Variants in TSNARE1 observed in about 807,000 individuals in gnomAD.
TSNARE1 encodes the protein t-SNARE domain containing 1, also known as t-SNARE domain-containing protein 1.
A neutral mutation model predicts 62.0 loss-of-function variants in TSNARE1; 49 were observed. The observed-to-expected ratio is 0.79, with a 90% CI of 0.63 to 1.00. The LOEUF (loss-of-function observed/expected upper bound fraction) is 1.00. TSNARE1 is among the 50% of genes least tolerant of loss of function. The pLI, the probability that TSNARE1 is intolerant of heterozygous loss-of-function variation, is 0.00. For synonymous variants in TSNARE1, 328 were observed against 294.4 expected (o/e 1.11, Z -1.17); for missense variants, 755 against 700.1 (o/e 1.08, Z -0.88).
At chr8:142,360,054 G>A (rs376610165) in intron 1 of TSNARE1, among the ~76,000 whole-genome samples, 5 of 152,356 alleles carry the variant, frequency 3.3e-5, no homozygotes, top group East Asian at 1.9e-4. Flanking sequence ...GCACTGTGGG[G>A]TGCGGCCTTG....
chr8:142,355,597 C>G (rs540867795), intron 1 of TSNARE1, among the ~76,000 whole-genome samples: 1 of 152,310 alleles, frequency 6.6e-6, no homozygotes, highest in East Asian at 1.9e-4. Context: ...CCAGACACTG[C>G]CAGAGCGTCC....
At chr8:142,280,745 G>A (rs1821289591) in intron 11 of TSNARE1, among the ~76,000 whole-genome samples, 2 of 152,208 alleles carry the variant, frequency 1.3e-5, no homozygotes, top group African/African-American at 4.8e-5. Flanking sequence ...GCGACAGGTG[G>A]CCAGGGGCAG....
intron 12 of TSNARE1, among the ~76,000 whole-genome samples, chr8:142,254,072 G>A (rs1481727029): frequency 1.3e-5 from 2 of 152,288 alleles, no homozygotes; most frequent in Non-Finnish European, 2.9e-5. Flanking sequence ...AAAATGCTCT[G>A]TGCCTCCCTT....
rs1828179429 is a variant in TSNARE1 at position 142,314,379 on chromosome 8, C to A, written c.1131+5G>T. ...CACTGACCATGGTCAGTACTCGGCA[C>A]CCACCTGTTTACTGCCCCTCTGCGC... On this transcript the variant is annotated splice_donor_5th_base_variant and intron_variant, in intron 9 of 13. Coordinates refer to ENST00000524325, the MANE Select transcript of TSNARE1 (RefSeq NM_145003.5). 1 of 1,613,270 alleles carries A rather than the reference C, an allele frequency of 6.2e-7. No individual in the cohort carries two copies. Among genetic ancestry groups the A allele is most frequent in the African/African-American group, 1.3e-5 (1 of 74,922 alleles).
chr8:142,242,947 CAAAAAAAAAAAAA>C (rs35092120), intron 12 of TSNARE1, among the ~76,000 whole-genome samples: 2 of 51,390 alleles, frequency 3.9e-5, no homozygotes, highest in Non-Finnish European at 7.0e-5. Flanking sequence ...AACTCTGTCT[CAAAAAAAAAAAAA>C]AAAAAAAAAA....
At chr8:142,256,788 G>T (rs1021389367) in intron 12 of TSNARE1, among the ~76,000 whole-genome samples, 12 of 152,176 alleles carry the variant, frequency 7.9e-5, no homozygotes, top group African/African-American at 2.9e-4. Flanking sequence ...ATTAGAACCG[G>T]GTTCTGCCTG....
At chr8:142,333,873 G>GC (rs1383088447) in intron 4 of TSNARE1, among the ~76,000 whole-genome samples, 7 of 152,214 alleles carry the variant, frequency 4.6e-5, no homozygotes, top group African/African-American at 7.2e-5. Flanking sequence ...CTGAGGGACG[G>GC]CCCCCCATCA....
chr8:142,220,580 A>G (rs1413629061), intron 13 of TSNARE1, among the ~76,000 whole-genome samples: 5 of 152,178 alleles, frequency 3.3e-5, no homozygotes, highest in Admixed American at 3.3e-4. Flanking sequence ...CCGACCTGGA[A>G]CCAGGGAACC....
intron 1 of TSNARE1, among the ~76,000 whole-genome samples, chr8:142,381,572 C>A (rs539554726): frequency 3.0e-4 from 45 of 152,270 alleles, no homozygotes; most frequent in African/African-American, 1.0e-3. Context: ...TTCTGGGAGA[C>A]CCCAGAAGCA....
At chr8:142,365,800 TG>T in intron 1 of TSNARE1, 1 of 316,800 alleles carries the variant, frequency 3.2e-6, no homozygotes, top group East Asian at 1.1e-4. Context: ...AAAAACTCAC[TG>T]GAAATTATTT....
At chr8:142,234,563 G>A (rs1318820257) in intron 12 of TSNARE1, among the ~76,000 whole-genome samples, 1 of 152,236 alleles carries the variant, frequency 6.6e-6, no homozygotes, top group Non-Finnish European at 1.5e-5. Context: ...CACAAGTTCA[G>A]GGAAGGCTCC....
At chr8:142,264,116 A>G (rs12544947) in intron 12 of TSNARE1, among the ~76,000 whole-genome samples, 1 of 152,028 alleles carries the variant, frequency 6.6e-6, no homozygotes, top group Non-Finnish European at 1.5e-5. Context: ...AGTATTTTCA[A>G]TAGTATCCAA....
intron 6 of TSNARE1, among the ~76,000 whole-genome samples, chr8:142,325,728 C>T (rs967193398): frequency 1.6e-4 from 25 of 152,098 alleles, no homozygotes; most frequent in Non-Finnish European, 2.4e-4. Context: ...TTCCGAGCTG[C>T]GGGATATGCA....
chr8:142,313,451 ATCTGCATGTG>A (rs1827969495), intron 9 of TSNARE1, among the ~76,000 whole-genome samples: 1 of 148,650 alleles, frequency 6.7e-6, no homozygotes, highest in Non-Finnish European at 1.5e-5. Context: ...ATGTCTGTTT[ATCTGCATGTG>A]TCTGCATGTC....
intron 12 of TSNARE1, chr8:142,269,765 C>A (rs1819359522): frequency 1.0e-6 from 1 of 985,402 alleles, no homozygotes; most frequent in South Asian, 4.7e-5. Context: ...AGAGTGGAGG[C>A]CCCGCCCAGA....
intron 7 of TSNARE1, among the ~76,000 whole-genome samples, chr8:142,316,285 G>A (rs1586755904): frequency 6.6e-6 from 1 of 151,750 alleles, no homozygotes; most frequent in East Asian, 2.0e-4. Context: ...GCAGCACCTG[G>A]TCCCCACAGA....
At position 142,323,384 on chromosome 8, in the gene TSNARE1, C is replaced by T. The variant is rs141991247; in HGVS notation, c.894-4750G>A. On this transcript the variant is annotated intron_variant, in intron 6 of 13. Transcript: ENST00000524325. ...GGGGCAGGCGAGGCGAGGAACAGCTCGTGGCCACCTCCTGGGTCTCCAGAG... is the reference window on the plus strand; with the variant it reads ...GGGGCAGGCGAGGCGAGGAACAGCTTGTGGCCACCTCCTGGGTCTCCAGAG... Among the ~76,000 whole-genome samples the T allele has an allele frequency of 2.9e-3, 447 of 152,330 alleles. 1 individual carries two copies. Among genetic ancestry groups the T allele is most frequent in the African/African-American group, 0.01 (426 of 41,578 alleles).
At chr8:142,354,815 A>G in intron 1 of TSNARE1, 52 bp from the exon 2 acceptor site, 19 of 1,124,194 alleles carry the variant, frequency 1.7e-5, no homozygotes, top group Non-Finnish European at 2.4e-5. Context: ...TGGGGATTAA[A>G]GCTCCAATTC....
chr8:142,253,042 G>A (rs1818250769), intron 12 of TSNARE1, among the ~76,000 whole-genome samples: 1 of 152,206 alleles, frequency 6.6e-6, no homozygotes, highest in Non-Finnish European at 1.5e-5. Flanking sequence ...GCCTGCAGGA[G>A]GGCATCTGCC....
Sources: gnomAD v4.1 joint callset for allele counts (sites outside exome capture counted in the v4.1 genomes callset) on GRCh38, gnomAD v4.1.1 for gene constraint, MANE v1.5 for transcripts, NCBI Gene and HGNC (gene_info 2026-07-23, HGNC 2026-07-21) for gene names.